The following OSBPL10 variants were observed in gnomAD, a reference collection of about 807,000 sequenced individuals.
OSBPL10 encodes oxysterol-binding protein-related protein 10.
A neutral mutation model predicts 81.7 loss-of-function variants in OSBPL10; 49 were observed. The ratio of observed to expected loss-of-function variants is 0.60; its 90% confidence interval spans 0.48 to 0.76. The LOEUF is 0.76. OSBPL10 is among the 30% of genes least tolerant of loss of function. OSBPL10 has a pLI of 0.00. For synonymous variants in OSBPL10, 419 were observed against 383.6 expected, an observed-to-expected ratio of 1.09 and a Z score of -1.08; for missense variants, 923 against 987.8, an observed-to-expected ratio of 0.93 and a Z score of 0.88.
intron 11 of OSBPL10, chr3:31,662,399 A>C (rs1428238423): frequency 8.6e-7 from 1 of 1,167,968 alleles, no homozygotes; most frequent in African/African-American, 1.6e-5. Flanking sequence ...GGCCAAAAAA[A>C]AGAAGCACTT....
At chr3:32,054,526 CTTTTTTTTTTT>C (rs755489489) in intron 1 of OSBPL10, among the ~76,000 whole-genome samples, 2 of 86,606 alleles carry the variant, frequency 2.3e-5, no homozygotes, top group African/African-American at 4.6e-5. Context: ...TCAATGGTGG[CTTTTTTTTTTT>C]TTTTTTTTTT....
Position 31,989,576 on chromosome 3 carries a change from T to C in OSBPL10, n.298+56915A>G, listed in dbSNP as rs535280784. The C allele has an allele frequency of 1.9e-6, 3 of 1,614,172 alleles. No homozygotes were observed. In the South Asian group the frequency reaches 3.3e-5, roughly 18 times the overall value. ...AGCTTTCATTCGCATCTTCCTGAAC[T>C]CCACATATTTCAGACCAAAGGGAAA... is the stretch of plus-strand genomic sequence containing the variant. On this transcript the variant is annotated intron_variant and non_coding_transcript_variant, in intron 2 of 3. Coordinates refer to the OSBPL10 transcript ENST00000479173.
At chr3:31,918,513 G>C (rs575560888) in intron 1 of OSBPL10, among the ~76,000 whole-genome samples, 1 of 151,832 alleles carries the variant, frequency 6.6e-6, no homozygotes, top group East Asian at 1.9e-4. Flanking sequence ...GTTTGGAATG[G>C]AAAATCACCT....
At chr3:32,002,576 C>CTCTG in intron 2 of OSBPL10, among the ~76,000 whole-genome samples, 1 of 152,302 alleles carries the variant, frequency 6.6e-6, no homozygotes, top group Middle Eastern at 3.4e-3. Flanking sequence ...TCCTCCAAAG[C>CTCTG]TCTGTACCTA....
intron 1 of OSBPL10, among the ~76,000 whole-genome samples, chr3:31,898,951 CTTTTTTTTTTT>C (rs201574850): frequency 5.7e-5 from 5 of 87,344 alleles, no homozygotes; most frequent in Non-Finnish European, 1.1e-4. Flanking sequence ...AACTTTAAAC[CTTTTTTTTTTT>C]TTTTTTTTTT....
In OSBPL10 at chr3:31,735,353, T is replaced by C. The variant is rs147517399; in HGVS notation, c.941-1942A>G. Among the ~76,000 whole-genome samples the C allele has an allele frequency of 8.6e-3, 1,308 of 152,272 alleles. 8 individuals are homozygous for C. The highest frequency in any genetic ancestry group is 0.014 in the Non-Finnish European group (919 of 68,028). ...TACATGAGAGGCTGAAGTGACAGGA[T>C]TGATTGAGCCCAGGAGGTCGAGGCT... On this transcript the variant is annotated intron_variant, in intron 5 of 11. Transcript: ENST00000396556.
chr3:31,867,992 C>T (rs1365644018), intron 3 of OSBPL10, among the ~76,000 whole-genome samples: 1 of 152,122 alleles, frequency 6.6e-6, no homozygotes, highest in African/African-American at 2.4e-5. Flanking sequence ...CTAGTCCCTC[C>T]TCACAGAGAT....
intron 2 of OSBPL10, among the ~76,000 whole-genome samples, chr3:32,020,669 C>T (rs904691652): frequency 4.0e-5 from 6 of 151,210 alleles, no homozygotes; most frequent in Non-Finnish European, 8.8e-5. Context: ...TTCATTCAAG[C>T]TTTTATAATA....
rs1467638413 is a variant in OSBPL10 at position 32,064,171 on chromosome 3, C to T, written n.185+13225G>A. On this transcript the variant is annotated intron_variant and non_coding_transcript_variant, in intron 1 of 3. Coordinates refer to the OSBPL10 transcript ENST00000479173. ...AGAGACAGGGTTTCACCAATGTTGC[C>T]CAGACTGGAGTCGAACTCCTGGGCT... 3.2e-5 allele frequency: 3 copies of T among 92,934 alleles called. 1 individual carries two copies. Among genetic ancestry groups the T allele is most frequent in the Non-Finnish European group, 8.7e-5 (3 of 34,680 alleles). The allele number at this position is 92,934 out of a possible 1,614,324, so 5.8% of individuals were successfully genotyped here. A position where few individuals can be genotyped will look rare whatever the true frequency, so the allele number is the denominator to read the frequency against.
At chr3:31,815,031 GCTCT>G (rs1237645205) in intron 4 of OSBPL10, among the ~76,000 whole-genome samples, 1 of 151,504 alleles carries the variant, frequency 6.6e-6, no homozygotes, top group Non-Finnish European at 1.5e-5. Context: ...AGCAACTTCT[GCTCT>G]CTATCCCCGG....
chr3:32,026,509 T>G (rs1234815895), intron 2 of OSBPL10, among the ~76,000 whole-genome samples: 1 of 152,138 alleles, frequency 6.6e-6, no homozygotes, highest in Non-Finnish European at 1.5e-5. Flanking sequence ...ACAATCCAGA[T>G]TGATATGATT....
intron 1 of OSBPL10, among the ~76,000 whole-genome samples, chr3:31,887,193 G>A (rs796716937): frequency 6.6e-6 from 1 of 152,186 alleles, no homozygotes; most frequent in African/African-American, 2.4e-5. Context: ...GGTCCCTCCT[G>A]TGCACAAACA....
chr3:31,953,018 C>T lies in OSBPL10; in HGVS notation c.281+27881G>A, dbSNP rs78779155. 2.8e-3 allele frequency among the ~76,000 whole-genome samples: 428 copies of T among 151,194 alleles called. 14 individuals carry two copies. In the East Asian group the frequency reaches 0.072, roughly 25 times the overall value. On this transcript the variant is annotated intron_variant, in intron 1 of 11. Transcript: ENST00000396556. ...TGCAATCTCGGCTCACTGCAACCTC[C>T]GCCTCCAGGGTTCAAGCAATGCTCC...
At chr3:31,689,118 G>GA (rs34009655) in intron 7 of OSBPL10, among the ~76,000 whole-genome samples, 121 of 143,990 alleles carry the variant, frequency 8.4e-4, no homozygotes, top group Middle Eastern at 3.7e-3. Flanking sequence ...TAACTATGAG[G>GA]AAAAAAAAAA....
chr3:31,800,477 C>T (rs902141804), intron 4 of OSBPL10, among the ~76,000 whole-genome samples: 1 of 152,236 alleles, frequency 6.6e-6, no homozygotes, highest in African/African-American at 2.4e-5. Flanking sequence ...CGTTCCCACC[C>T]CTCCTGGGCA....
chr3:32,076,955 T>C lies in OSBPL10; in HGVS notation n.185+441A>G, dbSNP rs182723469. Among the ~76,000 whole-genome samples the C allele has an allele frequency of 9.9e-5, 15 of 152,228 alleles. No individual in the cohort carries two copies. In the East Asian group the frequency reaches 2.5e-3, roughly 26 times the overall value. ...GATATTTTGCAAAATAAAGCACTGA[T>C]ATTATCCCCAAGAACAATTTGGAGA... is the stretch of plus-strand genomic sequence containing the variant. On this transcript the variant is annotated intron_variant and non_coding_transcript_variant, in intron 1 of 3. Coordinates refer to the OSBPL10 transcript ENST00000479173.
At chr3:31,939,331 G>T (rs146804339) in intron 1 of OSBPL10, among the ~76,000 whole-genome samples, 25 of 151,596 alleles carry the variant, frequency 1.6e-4, no homozygotes, top group African/African-American at 5.6e-4. Flanking sequence ...TTCAAGTAGA[G>T]ACAGGGTTTC....
chr3:31,841,850 T>C (rs1012287555), intron 3 of OSBPL10, among the ~76,000 whole-genome samples: 4 of 152,172 alleles, frequency 2.6e-5, no homozygotes, highest in Admixed American at 2.0e-4. Flanking sequence ...CCAATAAAAG[T>C]ATGAAAATAA....
At chr3:31,983,328 C>T (rs1179489046), upstream of OSBPL10, among the ~76,000 whole-genome samples, 4 of 152,184 alleles carry the variant, frequency 2.6e-5, no homozygotes, top group African/African-American at 4.8e-5. Flanking sequence ...TAAGCTCCTG[C>T]TAAAAGAGGA....
Sources: allele counts gnomAD v4.1 joint callset (sites outside exome capture counted in the v4.1 genomes callset), GRCh38; gene constraint gnomAD v4.1.1; transcripts MANE v1.5; gene names NCBI Gene and HGNC (gene_info 2026-07-23, HGNC 2026-07-21).